The following MAN2A1 variants were observed in gnomAD, a reference collection of about 807,000 sequenced individuals.
MAN2A1 encodes mannosidase alpha class 2A member 1, also known as alpha-mannosidase 2.
MAN2A1 carries 76 observed loss-of-function variants against 142.6 expected under a neutral mutation model. That is an observed-to-expected ratio of 0.53 (90% CI 0.44 to 0.65). The LOEUF (loss-of-function observed/expected upper bound fraction) is 0.65. Ranked by LOEUF, MAN2A1 falls within the 30% of genes least tolerant of loss-of-function variation. The pLI is 0.00. For missense variants in MAN2A1, 1,311 were observed against 1,365.1 expected (o/e 0.96, Z 0.62); for synonymous variants, 559 against 473.2 (o/e 1.18, Z -2.35).
At chr5:109,790,584 A>G (rs1205083108) in intron 12 of MAN2A1, among the ~76,000 whole-genome samples, 1 of 152,044 alleles carries the variant, frequency 6.6e-6, no homozygotes, top group Non-Finnish European at 1.5e-5. Context: ...TGAAAGAAAT[A>G]TTTCTTATAA....
Position 109,820,411 on chromosome 5 carries a change from G to A in MAN2A1, c.2451+69G>A, listed in dbSNP as rs373270593. 227 of 1,413,652 alleles carry A rather than the reference G, an allele frequency of 1.6e-4. 2 individuals are homozygous for A. In the East Asian group the frequency reaches 2.5e-3, roughly 16 times the overall value. The allele number at this position is 1,413,652 out of a possible 1,614,324, so 87.6% of individuals were successfully genotyped here. On this transcript the variant is annotated intron_variant, in intron 15 of 21. Coordinates refer to ENST00000261483, the MANE Select transcript of MAN2A1 (RefSeq NM_002372.4). ...GAAAGAGTATTGAGGAAAAAGATAA[G>A]TGAGTGTCATTATTTTATCATCTGT... is the stretch of plus-strand genomic sequence containing the variant.
chr5:109,843,370 A>G (rs1470227914), intron 17 of MAN2A1, among the ~76,000 whole-genome samples: 3 of 152,110 alleles, frequency 2.0e-5, no homozygotes, highest in African/African-American at 7.2e-5. Context: ...CATGGGGGGA[A>G]CCACCCCCAT....
At chr5:109,772,598 C>G (rs1398825722) in intron 7 of MAN2A1, among the ~76,000 whole-genome samples, 1 of 152,112 alleles carries the variant, frequency 6.6e-6, no homozygotes, top group African/African-American at 2.4e-5. Flanking sequence ...CCTCCATCAC[C>G]TGGGCTCATG....
intron 4 of MAN2A1, among the ~76,000 whole-genome samples, chr5:109,745,328 AT>A (rs1344485423): frequency 1.3e-5 from 2 of 152,218 alleles, no homozygotes; most frequent in Non-Finnish European, 2.9e-5. Context: ...AGTAAACATA[AT>A]GATATATGTC....
chr5:109,844,739 C>A (rs1322100029), intron 17 of MAN2A1, among the ~76,000 whole-genome samples: 1 of 152,198 alleles, frequency 6.6e-6, no homozygotes, highest in Non-Finnish European at 1.5e-5. Flanking sequence ...TCACTCCCAT[C>A]TCTACCTCTT....
In MAN2A1 at chr5:109,753,982, C is replaced by T. The variant is rs554689724; in HGVS notation, c.708-1347C>T. ...GGAGTGCAGTGGCGTAATCATAGCT[C>T]ACTGCAGCCTCAAACTCACAGGCTC... On this transcript the variant is annotated intron_variant, in intron 4 of 21. Transcript: ENST00000261483. Among the ~76,000 whole-genome samples the T allele has an allele frequency of 1.3e-3, 191 of 151,200 alleles. 1 individual carries two copies. The highest frequency in any genetic ancestry group is 1.6e-3 in the Non-Finnish European group (107 of 67,910).
rs1264615126 is a variant in MAN2A1, at chr5:109,694,331, A to G, written c.135+3779A>G. Reference sequence around the variant, plus strand: ...GATTGAAAGCCATTAGAAGGTGAGAACTTGTATACCTTTTTTTTTTTTTCT... The same window carrying G: ...GATTGAAAGCCATTAGAAGGTGAGAGCTTGTATACCTTTTTTTTTTTTTCT... On this transcript the variant is annotated intron_variant, in intron 1 of 21. Transcript: ENST00000261483. Among the ~76,000 whole-genome samples the G allele has an allele frequency of 2.0e-5, 3 of 151,996 alleles. No individual in the cohort carries two copies. The East Asian group carries it at 5.8e-4, about 29-fold the overall frequency.
chr5:109,755,522 G>C, intron 5 of MAN2A1, 66 bp downstream of exon 5: 2 of 1,268,024 alleles, frequency 1.6e-6, no homozygotes, highest in Non-Finnish European at 2.2e-6. Context: ...GTGAAGTGAG[G>C]CTCTGTTCTT....
intron 1 of MAN2A1, 53 bp downstream of exon 1, chr5:109,690,605 C>T (rs1420571541): frequency 1.3e-6 from 2 of 1,540,744 alleles, no homozygotes; most frequent in Admixed American, 2.0e-5. Context: ...CGTGCGGGCC[C>T]CTGGTTAGCG....
At chr5:109,800,355 C>A (rs1753987592) in intron 12 of MAN2A1, among the ~76,000 whole-genome samples, 1 of 152,130 alleles carries the variant, frequency 6.6e-6, no homozygotes, top group Non-Finnish European at 1.5e-5. Flanking sequence ...TTGCTATAAA[C>A]CTCTTGCCGG....
chr5:109,809,340 C>T (rs1754257842), intron 12 of MAN2A1, among the ~76,000 whole-genome samples: 1 of 150,866 alleles, frequency 6.6e-6, no homozygotes, highest in Non-Finnish European at 1.5e-5. Flanking sequence ...ATATATTTAC[C>T]CCTCTTTGTG....
At chr5:109,789,122 AGCTT>A in intron 11 of MAN2A1, 74 bp downstream of exon 11, 1 of 754,072 alleles carries the variant, frequency 1.3e-6, no homozygotes, top group Non-Finnish European at 2.2e-6. Flanking sequence ...GAGGATGAGA[AGCTT>A]AATGAAAAAA....
intron 16 of MAN2A1, among the ~76,000 whole-genome samples, chr5:109,831,849 T>A (rs1243854760): frequency 2.0e-5 from 3 of 151,886 alleles, no homozygotes; most frequent in Non-Finnish European, 4.4e-5. Flanking sequence ...GTATACAGTT[T>A]TAAAAGTCTG....
intron 7 of MAN2A1, among the ~76,000 whole-genome samples, chr5:109,771,704 A>G (rs571589538): frequency 5.9e-5 from 9 of 152,296 alleles, no homozygotes; most frequent in Admixed American, 3.9e-4. Context: ...GTGTAATAAA[A>G]AGGAAGGGTT....
At chr5:109,840,486 A>G (rs367726741) in intron 16 of MAN2A1, 143 of 480,750 alleles carry the variant, frequency 3.0e-4, no homozygotes, top group African/African-American at 2.0e-3. Context: ...CGAGAATCCA[A>G]TTGGCTTGGT....
chr5:109,777,797 A>G (rs1387757355), intron 8 of MAN2A1, among the ~76,000 whole-genome samples: 6 of 152,064 alleles, frequency 3.9e-5, no homozygotes, highest in African/African-American at 1.2e-4. Flanking sequence ...AGCACCATTT[A>G]TTGAAAAGAC....
intron 16 of MAN2A1, among the ~76,000 whole-genome samples, chr5:109,836,352 A>G (rs927284175): frequency 2.0e-5 from 3 of 151,742 alleles, no homozygotes; most frequent in Non-Finnish European, 4.4e-5. Flanking sequence ...CTGACTTCAC[A>G]TGATCCACCC....
At chr5:109,824,320 T>G (rs760999461) in intron 16 of MAN2A1, among the ~76,000 whole-genome samples, 7 of 152,188 alleles carry the variant, frequency 4.6e-5, no homozygotes, top group Non-Finnish European at 8.8e-5. Context: ...AGCAATTGTT[T>G]ATCATTTTTA....
chr5:109,726,805 A>G (rs922993172), intron 3 of MAN2A1, among the ~76,000 whole-genome samples: 1 of 152,202 alleles, frequency 6.6e-6, no homozygotes, highest in Non-Finnish European at 1.5e-5. Context: ...CTGGAGTTTT[A>G]TTATCAAATT....
Sources: gnomAD v4.1 joint callset for allele counts (sites outside exome capture counted in the v4.1 genomes callset) on GRCh38, gnomAD v4.1.1 for gene constraint, MANE v1.5 for transcripts, NCBI Gene and HGNC (gene_info 2026-07-23, HGNC 2026-07-21) for gene names.